Variants in SLC7A9 observed in about 807,000 individuals in gnomAD.
SLC7A9 encodes the protein solute carrier family 7 member 9.
SLC7A9 carries 38 observed loss-of-function variants against 54.1 expected under a neutral mutation model. That is an observed-to-expected ratio of 0.70 (90% CI 0.54 to 0.92). SLC7A9 has a LOEUF of 0.92. SLC7A9 is among the 40% of genes least tolerant of loss of function. The pLI, the probability that SLC7A9 is intolerant of heterozygous loss-of-function variation, is 0.00. For missense variants in SLC7A9, 537 were observed against 636.1 expected (o/e 0.84, Z 1.68); for synonymous variants, 264 against 258.9 (o/e 1.02, Z -0.19).
At chr19:32,832,081 G>C (rs7257995) in intron 12 of SLC7A9, among the ~76,000 whole-genome samples, 5 of 152,058 alleles carry the variant, frequency 3.3e-5, no homozygotes, top group African/African-American at 1.2e-4. Flanking sequence ...TTCAAGACCA[G>C]CCTGGCCAAC....
intron 5 of SLC7A9, 65 bp from the exon 6 acceptor site, chr19:32,862,282 G>A (rs1968822242): frequency 4.8e-6 from 7 of 1,452,890 alleles, no homozygotes; most frequent in Non-Finnish European, 6.8e-6. Flanking sequence ...TATCTCCACG[G>A]GAAAGATGGG....
chr19:32,846,366 T>C (rs1379677119), intron 9 of SLC7A9, among the ~76,000 whole-genome samples: 2 of 152,162 alleles, frequency 1.3e-5, no homozygotes, highest in African/African-American at 4.8e-5. Context: ...CACCAGGAGA[T>C]TATATCCCGC....
intron 1 of SLC7A9, 137 bp downstream of exon 1, chr19:32,869,549 A>G (rs1969076651): frequency 6.6e-6 from 1 of 152,180 alleles, no homozygotes; most frequent in South Asian, 2.1e-4. Context: ...GAAAGAAAAC[A>G]TTGCCGAGGA....
intron 10 of SLC7A9, among the ~76,000 whole-genome samples, chr19:32,842,899 T>C (rs1211194386): frequency 6.6e-6 from 1 of 152,176 alleles, no homozygotes; most frequent in Non-Finnish European, 1.5e-5. Context: ...TAATTAAGAA[T>C]TTTCCACACA....
intron 11 of SLC7A9, among the ~76,000 whole-genome samples, chr19:32,834,581 G>C (rs1056035701): frequency 2.6e-5 from 4 of 152,036 alleles, no homozygotes; most frequent in Non-Finnish European, 5.9e-5. Flanking sequence ...AGTGAGCAAA[G>C]AATGTGCCAC....
chr19:32,868,598 C>A lies in SLC7A9; in HGVS notation c.-64G>T. The stretch of plus-strand genomic sequence containing the variant: ...GCACAGCTAAATCTTGGTTCAGCAG[C>A]AGCAGACAAGACGCAAGTGCAAGCT... On this transcript the variant is annotated 5_prime_UTR_variant, in exon 2 of 13. Transcript: ENST00000023064. The A allele has an allele frequency of 7.1e-7, 1 of 1,412,608 alleles. No individual in the cohort carries two copies. Among genetic ancestry groups the A allele is most frequent in the Non-Finnish European group, 1.0e-6 (1 of 996,908 alleles). 87.5% of individuals were successfully genotyped at this position (1,412,608 alleles called of 1,614,324 possible).
At chr19:32,835,794 T>C (rs1481677134) in intron 11 of SLC7A9, among the ~76,000 whole-genome samples, 1 of 152,192 alleles carries the variant, frequency 6.6e-6, no homozygotes, top group Non-Finnish European at 1.5e-5. Flanking sequence ...TATTGATATA[T>C]TTAATGTAAT....
At chr19:32,868,798 GCT>G (rs376605520) in intron 1 of SLC7A9, among the ~76,000 whole-genome samples, 153 bp from the exon 2 acceptor site, 31 of 152,262 alleles carry the variant, frequency 2.0e-4, no homozygotes, top group African/African-American at 6.3e-4. Context: ...TCAGCTGCTT[GCT>G]TAGCTCTCTC....
intron 10 of SLC7A9, among the ~76,000 whole-genome samples, chr19:32,843,617 A>T (rs377758885): frequency 1.5e-4 from 23 of 152,232 alleles, no homozygotes; most frequent in African/African-American, 3.6e-4. Context: ...GTTACCAGGG[A>T]CCCAGCACAG....
At chr19:32,867,951 AAAG>A (rs1485731872) in intron 2 of SLC7A9, among the ~76,000 whole-genome samples, 5 of 147,218 alleles carry the variant, frequency 3.4e-5, no homozygotes, top group Admixed American at 1.3e-4. Flanking sequence ...AAAAAAAAAA[AAAG>A]AATATGCAGC....
At chr19:32,855,508 G>GC (rs944619608) in intron 9 of SLC7A9, among the ~76,000 whole-genome samples, 1 of 152,010 alleles carries the variant, frequency 6.6e-6, no homozygotes, top group African/African-American at 2.4e-5. Context: ...GACCATCCTG[G>GC]CAAACACGGT....
intron 9 of SLC7A9, among the ~76,000 whole-genome samples, chr19:32,850,029 T>A (rs1238363508): frequency 1.3e-5 from 2 of 151,262 alleles, no homozygotes; most frequent in Non-Finnish European, 3.0e-5. Context: ...ATGGGACGTA[T>A]CTCAAAATAA....
chr19:32,838,753 A>C (rs1411369164), intron 11 of SLC7A9, among the ~76,000 whole-genome samples: 2 of 146,442 alleles, frequency 1.4e-5, no homozygotes, highest in Non-Finnish European at 3.0e-5. Flanking sequence ...AATGATACAC[A>C]TATACATATA....
chr19:32,861,396 A>G (rs935393666), intron 6 of SLC7A9, among the ~76,000 whole-genome samples: 3 of 152,148 alleles, frequency 2.0e-5, no homozygotes, highest in African/African-American at 7.2e-5. Context: ...AATATATAAA[A>G]TTTATATGGT....
At chr19:32,844,278 A>G (rs1968215652) in intron 9 of SLC7A9, among the ~76,000 whole-genome samples, 2 of 152,218 alleles carry the variant, frequency 1.3e-5, no homozygotes, top group Non-Finnish European at 2.9e-5. Context: ...ATCTCTACAA[A>G]TAACTTTAAA....
At chr19:32,861,974 CA>C (rs1400046667) in intron 6 of SLC7A9, 143 bp downstream of exon 6, 2 of 728,262 alleles carry the variant, frequency 2.7e-6, no homozygotes, top group Non-Finnish European at 5.0e-6. Flanking sequence ...TCGCATCCTT[CA>C]CAAAAAGGAA....
intron 11 of SLC7A9, among the ~76,000 whole-genome samples, chr19:32,833,745 C>T (rs918800032): frequency 6.6e-6 from 1 of 151,566 alleles, no homozygotes; most frequent in East Asian, 1.9e-4. Context: ...TGCAGTGAGC[C>T]GAGATTGCAC....
intron 9 of SLC7A9, among the ~76,000 whole-genome samples, chr19:32,844,857 CA>C (rs386388892): frequency 0.12 from 3,512 of 29,926 alleles, 12 homozygotes; most frequent in Non-Finnish European, 0.17. Context: ...GAATCCATCT[CA>C]AAAAAAAAAA....
chr19:32,832,976 A>AAGGG, intron 12 of SLC7A9, 173 bp downstream of exon 12: 1 of 692,836 alleles, frequency 1.4e-6, no homozygotes. Context: ...CAAAACAATC[A>AAGGG]AGGGTGGACC....
Sources: allele counts gnomAD v4.1 joint callset (sites outside exome capture counted in the v4.1 genomes callset), GRCh38; gene constraint gnomAD v4.1.1; transcripts MANE v1.5; gene names NCBI Gene and HGNC (gene_info 2026-07-23, HGNC 2026-07-21).